The following IQANK1 variants were observed in gnomAD, a reference collection of about 807,000 sequenced individuals.
The protein encoded by IQANK1 is IQ motif and ankyrin repeat containing 1, also known as IQ motif and ankyrin repeat domain-containing protein 1.
Under a neutral mutation model 22.6 loss-of-function variants are expected in IQANK1, and 30 were observed. The ratio of observed to expected loss-of-function variants is 1.33; its 90% CI spans 0.99 to 1.80. IQANK1 has a LOEUF of 1.80. Ranked by LOEUF, IQANK1 falls within the 40% of genes most tolerant of loss-of-function variation. IQANK1 has a pLI of 0.00. For missense variants in IQANK1, 275 were observed against 235.2 expected (o/e 1.17, Z -1.11); for synonymous variants, 122 against 99.6 (o/e 1.23, Z -1.34).
At chr8:143,752,996 G>GTTTT (rs34993930) in intron 3 of IQANK1, among the ~76,000 whole-genome samples, 903 of 69,906 alleles carry the variant, frequency 0.013, 108 homozygotes, top group Middle Eastern at 0.043. Context: ...CTCTCTGTTC[G>GTTTT]TTTTTTTTTT....
chr8:143,760,470 G>A (rs1819373851), intron 3 of IQANK1: 1 of 147,310 alleles, frequency 6.8e-6, no homozygotes, highest in Non-Finnish European at 1.5e-5. Flanking sequence ...GAGTGCAGGA[G>A]TTCAAGACCA....
intron 7 of IQANK1, 57 bp downstream of exon 7, chr8:143,772,539 T>C (rs7835816): frequency 0.68 from 271,388 of 397,910 alleles, 97,235 homozygotes; most frequent in Non-Finnish European, 0.77. Context: ...GGTGTGGGCC[T>C]CGGGAGGTGT....
chr8:143,769,918 C>T (rs1435923910), intron 3 of IQANK1, among the ~76,000 whole-genome samples: 3 of 152,218 alleles, frequency 2.0e-5, no homozygotes, highest in African/African-American at 7.2e-5. Flanking sequence ...TCATTTTCTT[C>T]TAACATTTAG....
chr8:143,781,760 C>A (rs181019992), intron 7 of IQANK1, among the ~76,000 whole-genome samples: 14 of 152,220 alleles, frequency 9.2e-5, no homozygotes, highest in South Asian at 2.1e-4. Flanking sequence ...ATGCCTGCAG[C>A]TTTGTTCTTT....
At chr8:143,775,267 T>G (rs751695883) in intron 7 of IQANK1, among the ~76,000 whole-genome samples, 1 of 151,998 alleles carries the variant, frequency 6.6e-6, no homozygotes, top group African/African-American at 2.4e-5. Context: ...AACTCTACTA[T>G]TTTTGTAACT....
At chr8:143,762,987 GTTTTCC>G (rs1414167663) in intron 3 of IQANK1, among the ~76,000 whole-genome samples, 3 of 132,558 alleles carry the variant, frequency 2.3e-5, no homozygotes, top group Admixed American at 1.5e-4. Flanking sequence ...CTTTCCTTTT[GTTTTCC>G]TTTTCCTTTT....
intron 3 of IQANK1, among the ~76,000 whole-genome samples, chr8:143,747,333 G>C (rs193169127): frequency 6.6e-6 from 1 of 152,054 alleles, no homozygotes; most frequent in East Asian, 1.9e-4. Flanking sequence ...AGTTTCATTT[G>C]TGTTCTCCAT....
chr8:143,745,114 T>C (rs1423140160), intron 3 of IQANK1: 1 of 152,290 alleles, frequency 6.6e-6, no homozygotes, highest in Non-Finnish European at 1.5e-5. Flanking sequence ...ATGCTTTGTA[T>C]TGGGAGAGCC....
At chr8:143,737,472 C>G (rs1188615392) in intron 2 of IQANK1, among the ~76,000 whole-genome samples, 2 of 152,228 alleles carry the variant, frequency 1.3e-5, no homozygotes, top group Non-Finnish European at 2.9e-5. Flanking sequence ...CTTGGTCTTG[C>G]AGTGCCCTGT....
chr8:143,790,170 G>C lies in IQANK1; in HGVS notation c.1323G>C (p.Ala441=). The change falls in exon 13 of 14, where the codon GCG becomes GCC. Residue 441 remains alanine, a synonymous_variant. Transcript: ENST00000527139. ...TTGTTATTGACCCTTTGGGCCAGGCGGCCACCTTCCTGCGCTACCAGGATA... is the reference window on the plus strand; with the variant it reads ...TTGTTATTGACCCTTTGGGCCAGGCCGCCACCTTCCTGCGCTACCAGGATA... ...WPLVIDPLGQ[A]ATFLRYQDTN... The C allele has an allele frequency of 8.1e-7, 1 of 1,232,040 alleles. No individual in the cohort carries two copies. The highest frequency in any genetic ancestry group is 1.0e-6 in the Non-Finnish European group (1 of 987,998). 76.3% of individuals were successfully genotyped at this position (1,232,040 alleles called of 1,614,324 possible).
At chr8:143,781,992 G>C (rs1477313176) in intron 7 of IQANK1, among the ~76,000 whole-genome samples, 3 of 152,112 alleles carry the variant, frequency 2.0e-5, no homozygotes, top group Non-Finnish European at 4.4e-5. Flanking sequence ...ATTTCTTTGA[G>C]AAGTGTTTTA....
At chr8:143,785,176 A>G (rs1554631225) in intron 7 of IQANK1, among the ~76,000 whole-genome samples, 2 of 150,844 alleles carry the variant, frequency 1.3e-5, no homozygotes, top group East Asian at 3.9e-4. Context: ...TCCCTTGTGG[A>G]GCTATTTCTA....
chr8:143,782,375 CT>C (rs782452356), intron 7 of IQANK1, among the ~76,000 whole-genome samples: 4 of 152,180 alleles, frequency 2.6e-5, no homozygotes, highest in Non-Finnish European at 5.9e-5. Context: ...AGAGAGCATC[CT>C]TGTCTTGTGC....
intron 3 of IQANK1, among the ~76,000 whole-genome samples, chr8:143,766,072 C>G (rs1460013136): frequency 1.3e-5 from 2 of 151,762 alleles, no homozygotes; most frequent in African/African-American, 2.4e-5. Context: ...GCAAGCCTCC[C>G]GTGGGTAGTA....
rs1587487660 is a variant in IQANK1, at chr8:143,772,474, C to G, written c.781C>G (p.Pro261Ala). ...GGTGTACGCAGAGGACGGGAGCACC[C>G]CTGAGCGGGTGTGGACCCCAGAGGT... is the stretch of plus-strand genomic sequence containing the variant. ...PRVYAEDGST[P>A]ERVASLDTVV... is the part of the protein sequence containing the mutation. The change falls in exon 7 of 14, where the codon CCT becomes GCT. Residue 261 changes from proline to alanine, a missense_variant. Pro to Ala is a conservative substitution (Grantham distance 27). Transcript: ENST00000527139. The G allele has an allele frequency of 2.5e-6, 1 of 399,196 alleles. No individual in the cohort carries two copies. The highest frequency in any genetic ancestry group is 2.1e-5 in the African/African-American group (1 of 48,730). The allele number at this position is 399,196 out of a possible 1,614,324, so 24.7% of individuals were successfully genotyped here.
At position 143,788,941 on chromosome 8, in the gene IQANK1, C is replaced by T. The variant is rs1425275016; in HGVS notation, c.816C>T (p.Ser272=). Reference sequence around the variant, plus strand: ...TGGCCTCACTGGACACAGTGGTGAGCGTGCTGCGCTCGTGGGACCTGAGCC... The same window carrying T: ...TGGCCTCACTGGACACAGTGGTGAGTGTGCTGCGCTCGTGGGACCTGAGCC... ...ERVASLDTVV[S]VLRSWDLSLT... is the part of the protein sequence containing the mutation. The change falls in exon 8 of 14, where the codon AGC becomes AGT. Residue 272 remains serine, a synonymous_variant. Coordinates refer to ENST00000527139, the MANE Select transcript of IQANK1 (RefSeq NM_001381874.1). 6 of 399,094 alleles carry T rather than the reference C, an allele frequency of 1.5e-5. No homozygotes were observed. Among genetic ancestry groups the T allele is most frequent in the African/African-American group, 6.2e-5 (3 of 48,644 alleles). 24.7% of individuals were successfully genotyped at this position (399,094 alleles called of 1,614,324 possible).
At chr8:143,777,955 A>G (rs535148597) in intron 7 of IQANK1, among the ~76,000 whole-genome samples, 16 of 152,126 alleles carry the variant, frequency 1.1e-4, no homozygotes, top group South Asian at 6.2e-4. Flanking sequence ...AGCACTTTGG[A>G]AGGCCGAGGC....
intron 3 of IQANK1, chr8:143,742,890 T>C (rs1382726721): frequency 6.6e-6 from 3 of 456,002 alleles, no homozygotes; most frequent in Non-Finnish European, 1.3e-5. Context: ...GCACGGGGTC[T>C]TTCTTGCTGG....
chr8:143,742,568 A>T, intron 3 of IQANK1: 2 of 456,094 alleles, frequency 4.4e-6, no homozygotes, highest in Non-Finnish European at 8.8e-6. Context: ...TGGGCTGCCC[A>T]GGGGTGTGAT....
Sources: gnomAD v4.1 joint callset for allele counts (sites outside exome capture counted in the v4.1 genomes callset) on GRCh38, gnomAD v4.1.1 for gene constraint, MANE v1.5 for transcripts, NCBI Gene and HGNC (gene_info 2026-07-23, HGNC 2026-07-21) for gene names.